Variants in CCL17 observed in about 807,000 individuals in gnomAD.
The protein encoded by CCL17 is C-C motif chemokine ligand 17.
CCL17 carries 8 observed loss-of-function variants against 7.4 expected under a neutral mutation model. That is an observed-to-expected ratio of 1.09 (90% CI 0.64 to 1.96). CCL17 has a LOEUF of 1.96. Among genes scored for constraint, CCL17 ranks in the 30% most tolerant of loss-of-function variants. The pLI is 0.00. For missense variants in CCL17, 102 were observed against 113.0 expected (o/e 0.90, Z 0.44); for synonymous variants, 40 against 46.1 (o/e 0.87, Z 0.54).
At chr16:57,396,891 G>C in the CCL17 span, among the ~76,000 whole-genome samples, 67,353 of 152,030 alleles carry the variant, frequency 0.44, 17,205 homozygotes, top group Non-Finnish European at 0.58. Context: ...GGCCATGTAT[G>C]GTTTTTTCAT....
At chr16:57,412,211 C>T (rs796086026) in intron 1 of CCL17, among the ~76,000 whole-genome samples, 2 of 152,312 alleles carry the variant, frequency 1.3e-5, no homozygotes, top group South Asian at 2.1e-4. Flanking sequence ...TGTGAGCCGC[C>T]GGAGGTCATA....
intron 1 of CCL17, among the ~76,000 whole-genome samples, chr16:57,405,838 C>T (rs1236123884): frequency 6.6e-6 from 1 of 151,212 alleles, no homozygotes; most frequent in Non-Finnish European, 1.5e-5. Context: ...TCGAGACCAT[C>T]CTGGCTAACA....
At chr16:57,400,255 A>T (rs2146528041), upstream of CCL17, among the ~76,000 whole-genome samples, 1 of 152,124 alleles carries the variant, frequency 6.6e-6, no homozygotes, top group South Asian at 2.1e-4. Flanking sequence ...GCTACTTGGG[A>T]GGCTGAGCTA....
chr16:57,402,191 CT>C (rs1212657248), upstream of CCL17, among the ~76,000 whole-genome samples: 2 of 152,248 alleles, frequency 1.3e-5, no homozygotes, highest in Admixed American at 1.3e-4. Context: ...GGCCACAGCC[CT>C]TCCCAATACC....
chr16:57,398,938 G>T, the CCL17 span, among the ~76,000 whole-genome samples: 6 of 152,230 alleles, frequency 3.9e-5, no homozygotes. Context: ...GTCCATGTAA[G>T]TTGGGATGTG....
At chr16:57,396,734 G>A in the CCL17 span, among the ~76,000 whole-genome samples, 56 of 152,278 alleles carry the variant, frequency 3.7e-4, no homozygotes, top group East Asian at 8.1e-3. Flanking sequence ...TGGGTGAGTC[G>A]GAAGTTACTG....
chr16:57,414,118 A>G (rs1902828996), intron 2 of CCL17, 116 bp downstream of exon 2: 1 of 701,228 alleles, frequency 1.4e-6, no homozygotes, highest in Non-Finnish European at 2.3e-6. Flanking sequence ...ACCTACTCCC[A>G]CAAAAGACGT....
At chr16:57,401,524 GAAAAAA>G (rs148565902), upstream of CCL17, among the ~76,000 whole-genome samples, 4 of 124,134 alleles carry the variant, frequency 3.2e-5, no homozygotes, top group Non-Finnish European at 6.9e-5. Context: ...ACTCTGTCTG[GAAAAAA>G]AAAAAAAAAG....
intron 1 of CCL17, among the ~76,000 whole-genome samples, chr16:57,413,296 C>T (rs1902815022): frequency 6.6e-6 from 1 of 152,212 alleles, no homozygotes; most frequent in Non-Finnish European, 1.5e-5. Flanking sequence ...GCCTCAGCCT[C>T]TCGGAGGCAG....
chr16:57,397,580 A>G, the CCL17 span, among the ~76,000 whole-genome samples: 52,752 of 152,052 alleles, frequency 0.35, 12,587 homozygotes, highest in African/African-American at 0.68. Context: ...TGATGGCTTC[A>G]GCAGTGTAAG....
chr16:57,415,722 C>T lies in CCL17; in HGVS notation c.189-43C>T, dbSNP rs1902858038. 1.5e-6 allele frequency: 2 copies of T among 1,336,318 alleles called. No homozygotes were observed. The highest frequency in any genetic ancestry group is 2.2e-6 in the Non-Finnish European group (2 of 926,976). The allele number at this position is 1,336,318 out of a possible 1,614,324, so 82.8% of individuals were successfully genotyped here. A position where few individuals can be genotyped will look rare whatever the true frequency, so the allele number is the denominator to read the frequency against. ...GGCCGTCCCAGGGACTCTGGGGGCC[C>T]TTCCCCCCCTGCCACTCCTGGTAAC... On this transcript the variant is annotated intron_variant, in intron 3 of 3. Transcript: ENST00000219244. This position sits in a 1 kb window ranked among gnomAD's most constrained non-coding sequence, Gnocchi z 4.5.
At chr16:57,398,233 C>G in the CCL17 span, among the ~76,000 whole-genome samples, 6 of 152,146 alleles carry the variant, frequency 3.9e-5, no homozygotes, top group Admixed American at 6.5e-5. Context: ...CTGATACTAA[C>G]ATGGCCACCA....
the CCL17 span, among the ~76,000 whole-genome samples, chr16:57,396,978 A>G: frequency 6.6e-6 from 1 of 152,346 alleles, no homozygotes; most frequent in Admixed American, 6.5e-5. Context: ...GCCCAAATCT[A>G]GGAATTATTT....
chr16:57,410,874 C>T (rs1002587105), intron 1 of CCL17, among the ~76,000 whole-genome samples: 36 of 152,296 alleles, frequency 2.4e-4, no homozygotes, highest in African/African-American at 8.4e-4. Flanking sequence ...CACTGCATGC[C>T]AGGCACCATG....
At chr16:57,403,463 A>G (rs1418424731), upstream of CCL17, among the ~76,000 whole-genome samples, 2 of 2,218 alleles carry the variant, frequency 9.0e-4, no homozygotes, top group African/African-American at 6.7e-4. Context: ...TATAATATAT[A>G]TTATATTATA....
At chr16:57,411,837 AG>A (rs1902789194) in intron 1 of CCL17, among the ~76,000 whole-genome samples, 1 of 152,204 alleles carries the variant, frequency 6.6e-6, no homozygotes, top group African/African-American at 2.4e-5. Context: ...CCTCCTTTGC[AG>A]GGGGACTCTG....
chr16:57,410,797 C>T (rs886434), intron 1 of CCL17, among the ~76,000 whole-genome samples: 6,512 of 152,278 alleles, frequency 0.043, 189 homozygotes, highest in Middle Eastern at 0.085. Flanking sequence ...ACACTGGGCC[C>T]TTTGCATCCA....
the CCL17 span, among the ~76,000 whole-genome samples, chr16:57,398,869 T>C: frequency 6.6e-6 from 1 of 152,180 alleles, no homozygotes; most frequent in Non-Finnish European, 1.5e-5. Context: ...GTGGCCGAGA[T>C]CTTGGGCCAG....
At chr16:57,411,865 G>A (rs1236467970) in intron 1 of CCL17, among the ~76,000 whole-genome samples, 3 of 152,246 alleles carry the variant, frequency 2.0e-5, no homozygotes, top group African/African-American at 4.8e-5. Context: ...GCTACTCTGA[G>A]GCTGCCCCTC....
Sources: allele counts gnomAD v4.1 joint callset (sites outside exome capture counted in the v4.1 genomes callset), GRCh38; gene constraint gnomAD v4.1.1; non-coding constraint Gnocchi (gnomAD v3.1); transcripts MANE v1.5; gene names NCBI Gene and HGNC (gene_info 2026-07-23, HGNC 2026-07-21).